Variants in TNNI3K observed in about 807,000 individuals in gnomAD.
The protein encoded by TNNI3K is TNNI3 interacting kinase, also known as serine/threonine-protein kinase TNNI3K.
TNNI3K carries 140 observed loss-of-function variants against 114.5 expected under a neutral mutation model. The ratio of observed to expected loss-of-function variants is 1.22; its 90% CI spans 1.07 to 1.41. The LOEUF is 1.41. TNNI3K is among the 40% of genes most tolerant of loss of function. The pLI is 0.00. For synonymous variants in TNNI3K, 347 were observed against 347.5 expected, an observed-to-expected ratio of 1.00 and a Z score of 0.02; for missense variants, 1,125 against 1,007.6, an observed-to-expected ratio of 1.12 and a Z score of -1.58.
chr1:74,325,478 G>A (rs1194722862), intron 5 of TNNI3K, among the ~76,000 whole-genome samples: 1 of 152,172 alleles, frequency 6.6e-6, no homozygotes, highest in Non-Finnish European at 1.5e-5. Flanking sequence ...TAGAAACTGT[G>A]TCCCTGGTGA....
At chr1:74,343,951 A>C (rs551778570) in intron 9 of TNNI3K, among the ~76,000 whole-genome samples, 10 of 152,320 alleles carry the variant, frequency 6.6e-5, no homozygotes, top group South Asian at 6.2e-4. Context: ...ATAGTAATTT[A>C]TATTTAGTAG....
At chr1:74,314,455 A>G (rs760173475) in intron 5 of TNNI3K, among the ~76,000 whole-genome samples, 1 of 152,108 alleles carries the variant, frequency 6.6e-6, no homozygotes, top group Non-Finnish European at 1.5e-5. Context: ...ATCTGCTTAA[A>G]AATTTGACTA....
chr1:74,415,622 G>T (rs888379867), intron 17 of TNNI3K, among the ~76,000 whole-genome samples: 1 of 151,670 alleles, frequency 6.6e-6, no homozygotes, highest in Non-Finnish European at 1.5e-5. Context: ...CTTATTAAAT[G>T]TTACTAATTT....
chr1:74,433,821 G>T (rs1317448465), intron 17 of TNNI3K, among the ~76,000 whole-genome samples: 1 of 152,034 alleles, frequency 6.6e-6, no homozygotes, highest in East Asian at 1.9e-4. Context: ...TAAGCCACTA[G>T]TTTATTCACA....
At chr1:74,269,698 A>C (rs911511107) in intron 4 of TNNI3K, among the ~76,000 whole-genome samples, 1 of 151,924 alleles carries the variant, frequency 6.6e-6, no homozygotes, top group East Asian at 1.9e-4. Context: ...TGGGAAAATT[A>C]TAAACGATAA....
At chr1:74,317,438 A>G (rs1469009502) in intron 5 of TNNI3K, among the ~76,000 whole-genome samples, 2 of 152,224 alleles carry the variant, frequency 1.3e-5, no homozygotes, top group African/African-American at 2.4e-5. Context: ...TTTCCACTTT[A>G]GAAATAAGAA....
At chr1:74,241,720 G>T (rs1448239970) in intron 2 of TNNI3K, among the ~76,000 whole-genome samples, 2 of 152,056 alleles carry the variant, frequency 1.3e-5, no homozygotes, top group Non-Finnish European at 2.9e-5. Context: ...CTCCCATTCT[G>T]TAGGTTGCCT....
At chr1:74,455,020 G>C (rs982671681) in intron 20 of TNNI3K, among the ~76,000 whole-genome samples, 5 of 151,978 alleles carry the variant, frequency 3.3e-5, no homozygotes, top group Admixed American at 2.0e-4. Flanking sequence ...CTTTCTTTCT[G>C]GGCCAGGAAC....
At chr1:74,462,633 A>C (rs1570651572) in intron 20 of TNNI3K, among the ~76,000 whole-genome samples, 1 of 152,372 alleles carries the variant, frequency 6.6e-6, no homozygotes, top group East Asian at 1.9e-4. Context: ...GAGTTTATGT[A>C]GTTATCTACC....
intron 17 of TNNI3K, among the ~76,000 whole-genome samples, chr1:74,433,804 TC>T: frequency 6.6e-6 from 1 of 152,182 alleles, no homozygotes; most frequent in East Asian, 1.9e-4. Context: ...TTCCACAGAC[TC>T]CCAACTAAGC....
At chr1:74,398,023 A>T (rs1664176259) in intron 17 of TNNI3K, among the ~76,000 whole-genome samples, 1 of 152,254 alleles carries the variant, frequency 6.6e-6, no homozygotes, top group African/African-American at 2.4e-5. Context: ...AGAACTGGTT[A>T]AAAACGTTTT....
At chr1:74,439,665 C>T (rs775904481) in intron 20 of TNNI3K, 43 bp downstream of exon 20, 9 of 1,597,022 alleles carry the variant, frequency 5.6e-6, no homozygotes, top group Non-Finnish European at 6.8e-6. Flanking sequence ...TTACAGAGTT[C>T]ACTGGATTTT....
In TNNI3K at chr1:74,490,658, C is replaced by T. The variant is rs112467118; in HGVS notation, c.2181+1410C>T. The stretch of plus-strand genomic sequence containing the variant: ...AGTCAGCCTAAAGAGGCTTGACTTG[C>T]GCAGTTTCATAAGACCTTATCCTCT... On this transcript the variant is annotated intron_variant, in intron 22 of 24. Coordinates refer to ENST00000326637, the MANE Select transcript of TNNI3K (RefSeq NM_015978.3). Among the ~76,000 whole-genome samples the T allele has an allele frequency of 8.5e-5, 13 of 152,268 alleles. No individual in the cohort carries two copies. In the East Asian group the frequency reaches 1.2e-3, roughly 14 times the overall value.
At chr1:74,497,533 A>G (rs1669389188) in intron 23 of TNNI3K, among the ~76,000 whole-genome samples, 1 of 151,570 alleles carries the variant, frequency 6.6e-6, no homozygotes, top group African/African-American at 2.4e-5. Flanking sequence ...TGTTTCTACA[A>G]TCCCATGGCT....
chr1:74,427,304 C>T (rs201669897), intron 17 of TNNI3K, among the ~76,000 whole-genome samples: 2 of 147,152 alleles, frequency 1.4e-5, no homozygotes. Flanking sequence ...AAGTTGGAAA[C>T]TTTTTTTTTT....
At chr1:74,343,311 A>G in intron 9 of TNNI3K, 132 bp downstream of exon 9, 1 of 984,152 alleles carries the variant, frequency 1.0e-6, no homozygotes, top group Non-Finnish European at 1.5e-6. Flanking sequence ...GGTAGGGCAG[A>G]GGACAAAGAG....
intron 17 of TNNI3K, among the ~76,000 whole-genome samples, chr1:74,426,446 T>G (rs2100645521): frequency 6.6e-6 from 1 of 152,118 alleles, no homozygotes; most frequent in Middle Eastern, 3.4e-3. Flanking sequence ...TGTTCGTTGA[T>G]AAAGCCCAGC....
intron 5 of TNNI3K, among the ~76,000 whole-genome samples, chr1:74,286,966 G>A (rs1372827334): frequency 1.3e-5 from 2 of 151,886 alleles, no homozygotes; most frequent in Non-Finnish European, 2.9e-5. Flanking sequence ...TGCTCCAAGA[G>A]AACACAGATA....
At chr1:74,511,195 A>ATT (rs113121147) in intron 23 of TNNI3K, among the ~76,000 whole-genome samples, 14,382 of 144,230 alleles carry the variant, frequency 0.1, 1,943 homozygotes, top group African/African-American at 0.31. Flanking sequence ...TGCCCGGCCT[A>ATT]TTTTTTTTTT....
Sources: gnomAD v4.1 joint callset for allele counts (sites outside exome capture counted in the v4.1 genomes callset) on GRCh38, gnomAD v4.1.1 for gene constraint, MANE v1.5 for transcripts, NCBI Gene and HGNC (gene_info 2026-07-23, HGNC 2026-07-21) for gene names.